Variants in IGF1R observed in about 807,000 individuals in gnomAD.
The protein encoded by IGF1R is insulin-like growth factor 1 receptor.
A neutral mutation model predicts 144.6 loss-of-function variants in IGF1R; 44 were observed. The observed-to-expected ratio is 0.30, with a 90% CI of 0.24 to 0.39. IGF1R has a LOEUF of 0.39. IGF1R is among the 10% of genes least tolerant of loss of function. IGF1R has a pLI of 1.00. For synonymous variants in IGF1R, 795 were observed against 722.8 expected (o/e 1.10, Z -1.60); for missense variants, 1,355 against 1,833.7 (o/e 0.74, Z 4.77).
In IGF1R at chr15:98,935,491, C is replaced by A; in HGVS notation, c.3297+65C>A. 1 of 889,930 alleles carries A rather than the reference C, an allele frequency of 1.1e-6. No individual in the cohort carries two copies. The highest frequency in any genetic ancestry group is 1.6e-5 in the African/African-American group (1 of 60,712). The allele number at this position is 889,930 out of a possible 1,614,324, so 55.1% of individuals were successfully genotyped here. The stretch of plus-strand genomic sequence containing the variant: ...CTGCTCTCTTTTCCTTTATAATCTC[C>A]CTGCAAGGAAATGCTGTGTCTTTAA... On this transcript the variant is annotated intron_variant, in intron 17 of 20. Transcript: ENST00000650285. The surrounding 1 kb of genome is among the most constrained non-coding windows in gnomAD (Gnocchi z 4.2).
intron 20 of IGF1R, 21 bp from the exon 21 acceptor site, chr15:98,957,040 T>G (rs1024536752): frequency 6.2e-7 from 1 of 1,613,774 alleles, no homozygotes; most frequent in African/African-American, 1.3e-5. Flanking sequence ...TTGGACCCCC[T>G]CCCGTGTGTC....
chr15:98,914,416 G>T (rs78324983), intron 8 of IGF1R, among the ~76,000 whole-genome samples: 4,516 of 152,254 alleles, frequency 0.03, 94 homozygotes, highest in Non-Finnish European at 0.047. Flanking sequence ...AGAAAATGCT[G>T]GTGGGGAAAA....
chr15:98,779,988 G>A (rs1649945574), intron 2 of IGF1R, among the ~76,000 whole-genome samples: 1 of 152,118 alleles, frequency 6.6e-6, no homozygotes, highest in Non-Finnish European at 1.5e-5. Flanking sequence ...GCTCCGGGAT[G>A]TCAGCTGTGG....
intron 2 of IGF1R, among the ~76,000 whole-genome samples, chr15:98,728,563 A>G (rs182579705): frequency 6.6e-6 from 1 of 152,362 alleles, no homozygotes; most frequent in Non-Finnish European, 1.5e-5. Flanking sequence ...AAGAGCGGCT[A>G]TTAGCAGCAG....
At chr15:98,776,517 A>G (rs1049786716) in intron 2 of IGF1R, among the ~76,000 whole-genome samples, 3 of 152,102 alleles carry the variant, frequency 2.0e-5, no homozygotes, top group African/African-American at 7.2e-5. Context: ...GAAACTTACT[A>G]GTTATCAGGA....
chr15:98,685,468 C>T (rs573453254), intron 1 of IGF1R, among the ~76,000 whole-genome samples: 2 of 152,282 alleles, frequency 1.3e-5, no homozygotes, highest in East Asian at 3.9e-4. Flanking sequence ...TAATCTAGGG[C>T]ACCCGCTTCC....
chr15:98,916,050 G>A lies in IGF1R; in HGVS notation c.1915G>A (p.Gly639Ser), dbSNP rs2151681311. Residue 639 changes from glycine to serine, a missense_variant, in exon 9 of 21, where the codon GGC becomes AGC. Gly to Ser is a moderately conservative substitution (Grantham distance 56). Transcript: ENST00000650285. ...VKWNPPSLPN[G>S]NLSYYIVRWQ... Reference sequence around the variant, plus strand: ...GTGGAACCCTCCCTCTCTGCCCAACGGCAACCTGAGTTACTACATTGTGCG... The same window carrying A: ...GTGGAACCCTCCCTCTCTGCCCAACAGCAACCTGAGTTACTACATTGTGCG... The A allele has an allele frequency of 1.2e-6, 2 of 1,614,118 alleles. No individual in the cohort carries two copies. Among genetic ancestry groups the A allele is most frequent in the Non-Finnish European group, 1.7e-6 (2 of 1,180,014 alleles).
intron 1 of IGF1R, among the ~76,000 whole-genome samples, chr15:98,685,413 G>A (rs2053301262): frequency 6.6e-6 from 1 of 152,144 alleles, no homozygotes; most frequent in Non-Finnish European, 1.5e-5. Context: ...ACTTACTAGA[G>A]GACAGACTCC....
chr15:98,807,617 C>T (rs961074193), intron 2 of IGF1R, among the ~76,000 whole-genome samples: 2 of 152,208 alleles, frequency 1.3e-5, no homozygotes, highest in South Asian at 4.1e-4. Flanking sequence ...CTCTGTTTCA[C>T]TCTCTGTAAG....
At chr15:98,652,217 G>A (rs1002559981) in intron 1 of IGF1R, among the ~76,000 whole-genome samples, 6 of 152,150 alleles carry the variant, frequency 3.9e-5, no homozygotes, top group African/African-American at 1.4e-4. Flanking sequence ...AAATGAAGGC[G>A]GTTCGGAGGT....
chr15:98,772,510 A>ATTATTATTGTTATTG lies in IGF1R; in HGVS notation c.640+64408_640+64409insATTGTTATTGTTATT, dbSNP rs60796484. 8.1e-3 allele frequency among the ~76,000 whole-genome samples: 1,154 copies of ATTATTATTGTTATTG among 141,924 alleles called. 8 individuals are homozygous for ATTATTATTGTTATTG. Among genetic ancestry groups the ATTATTATTGTTATTG allele is most frequent in the Non-Finnish European group, 0.014 (900 of 65,858 alleles). 93.1% of individuals were successfully genotyped at this position (141,924 alleles called of 152,430 possible). A position where few individuals can be genotyped will look rare whatever the true frequency, so the allele number is the denominator to read the frequency against. On this transcript the variant is annotated intron_variant, in intron 2 of 20. Transcript: ENST00000650285. ...TATTATTATTATTATTATTATTATT[A>ATTATTATTGTTATTG]TTATTTTAAGAATTAGGTCTCTGTT...
At chr15:98,676,140 A>G (rs930467427) in intron 1 of IGF1R, among the ~76,000 whole-genome samples, 1 of 150,254 alleles carries the variant, frequency 6.7e-6, no homozygotes, top group African/African-American at 2.5e-5. Context: ...TAGAGACTCT[A>G]TTTTATTAGT....
chr15:98,785,023 G>A (rs1371526805), intron 2 of IGF1R, among the ~76,000 whole-genome samples: 2 of 152,034 alleles, frequency 1.3e-5, no homozygotes, highest in African/African-American at 2.4e-5. Context: ...AAGTTCATGT[G>A]TATATATATA....
intron 2 of IGF1R, among the ~76,000 whole-genome samples, chr15:98,755,311 T>C (rs1024101202): frequency 6.6e-6 from 1 of 152,216 alleles, no homozygotes; most frequent in African/African-American, 2.4e-5. Flanking sequence ...ATTCATAGTT[T>C]AGTCGAGCCA....
chr15:98,701,107 T>G (rs1567083343), intron 1 of IGF1R, among the ~76,000 whole-genome samples: 1 of 151,896 alleles, frequency 6.6e-6, no homozygotes, highest in Non-Finnish European at 1.5e-5. Flanking sequence ...TTAAGAGGAG[T>G]AAAGAACTAC....
At chr15:98,706,601 AC>A (rs1409248017) in intron 1 of IGF1R, among the ~76,000 whole-genome samples, 1 of 151,210 alleles carries the variant, frequency 6.6e-6, no homozygotes, top group East Asian at 1.9e-4. Flanking sequence ...AAAAAAAAAA[AC>A]AACCCTCATG....
intron 1 of IGF1R, among the ~76,000 whole-genome samples, chr15:98,689,312 C>A (rs1175157302): frequency 6.8e-6 from 1 of 146,210 alleles, no homozygotes; most frequent in South Asian, 2.2e-4. Flanking sequence ...GATCTCAGCT[C>A]ACTGCAACCT....
chr15:98,880,896 G>A (rs945299927), intron 2 of IGF1R: 1 of 152,204 alleles, frequency 6.6e-6, no homozygotes, highest in African/African-American at 2.4e-5. Flanking sequence ...GTGCTATCAG[G>A]AGACAGAACA....
intron 2 of IGF1R, among the ~76,000 whole-genome samples, chr15:98,830,603 A>ATTTTTTTTTTTTTTTTT (rs1555450173): frequency 2.7e-4 from 36 of 133,708 alleles, no homozygotes; most frequent in African/African-American, 1.1e-3. Context: ...TCTGATCATC[A>ATTTTTTTTTTTTTTTTT]TCTTTTTTTT....
Sources: gnomAD v4.1 joint callset for allele counts (sites outside exome capture counted in the v4.1 genomes callset) on GRCh38, gnomAD v4.1.1 for gene constraint, Gnocchi (gnomAD v3.1) non-coding constraint, MANE v1.5 for transcripts, NCBI Gene and HGNC (gene_info 2026-07-23, HGNC 2026-07-21) for gene names.